The following FILIP1 variants were observed in gnomAD, a reference collection of about 807,000 sequenced individuals.
The protein encoded by FILIP1 is filamin A interacting protein 1.
In FILIP1, 61 loss-of-function variants were observed where a neutral mutation model predicts 102.1. The ratio of observed to expected loss-of-function variants is 0.60; its 90% CI spans 0.49 to 0.74. The LOEUF (loss-of-function observed/expected upper bound fraction) is 0.74, where lower values mean the gene tolerates loss of function less well. Ranked by LOEUF, FILIP1 falls within the 30% of genes least tolerant of loss-of-function variation. The pLI, the probability that FILIP1 is intolerant of heterozygous loss-of-function variation, is 0.00. For synonymous variants in FILIP1, 491 were observed against 526.9 expected (o/e 0.93, Z 0.93); for missense variants, 1,314 against 1,441.2 (o/e 0.91, Z 1.43).
chr6:75,488,823 T>C (rs1471756811), intron 1 of FILIP1, among the ~76,000 whole-genome samples: 1 of 152,194 alleles, frequency 6.6e-6, no homozygotes, highest in African/African-American at 2.4e-5. Context: ...TTAAGCAGAA[T>C]ACACATACAC....
At chr6:75,480,460 T>A (rs1779620913) in intron 1 of FILIP1, among the ~76,000 whole-genome samples, 1 of 152,020 alleles carries the variant, frequency 6.6e-6, no homozygotes. Context: ...AGGCTAGACA[T>A]GAACTCCTGG....
At chr6:75,330,463 G>T (rs1041413445) in intron 4 of FILIP1, among the ~76,000 whole-genome samples, 1 of 151,772 alleles carries the variant, frequency 6.6e-6, no homozygotes, top group Non-Finnish European at 1.5e-5. Context: ...TCAAATTTTT[G>T]ACCCTAGCCC....
chr6:75,347,863 T>G (rs770672163), intron 4 of FILIP1, among the ~76,000 whole-genome samples: 1 of 152,188 alleles, frequency 6.6e-6, no homozygotes, highest in Non-Finnish European at 1.5e-5. Context: ...GCTCTTACAG[T>G]CTGCTTCACA....
rs754885788 is a variant in FILIP1 at position 75,314,905 on chromosome 6, C to A, written c.927G>T (p.Arg309Ser). The change falls in exon 5 of 6, where the codon AGG becomes AGT. Residue 309 changes from arginine (R) to serine (S), a missense_variant. Physicochemically the swap from Arg to Ser is moderately radical, Grantham distance 110. Coordinates refer to ENST00000237172, the MANE Select transcript of FILIP1 (RefSeq NM_015687.5). ...TCATCTCTTCATGCTCTTGAGAAAA[C>A]CTCGAAGCCTTGTGTTCAAAGTCCA... ...LEVDFEHKASRFSQEHEEMNA... is the reference protein window; with the variant it reads ...LEVDFEHKASSFSQEHEEMNA... The A allele has an allele frequency of 3.1e-6, 5 of 1,613,962 alleles. No homozygotes were observed. The East Asian group carries it at 8.9e-5, about 29-fold the overall frequency.
chr6:75,414,978 C>A lies in FILIP1; in HGVS notation c.-6G>T. 1 of 1,608,838 alleles carries A rather than the reference C, an allele frequency of 6.2e-7. No individual in the cohort carries two copies. Among genetic ancestry groups the A allele is most frequent in the Non-Finnish European group, 8.5e-7 (1 of 1,177,390 alleles). On this transcript the variant is annotated splice_region_variant and 5_prime_UTR_variant, in exon 2 of 6. Transcript: ENST00000237172. ...CCTTGGTTTCGAGATCTCATTCCCA[C>A]CTACAACACATACATAAAAAAAGAT...
chr6:75,404,239 A>C (rs542552423), intron 2 of FILIP1, among the ~76,000 whole-genome samples: 19 of 152,208 alleles, frequency 1.2e-4, no homozygotes, highest in Admixed American at 1.2e-3. Context: ...GATTGTCCCC[A>C]AAAACAAAAC....
chr6:75,426,100 T>C (rs548394159), intron 1 of FILIP1, among the ~76,000 whole-genome samples: 3 of 152,034 alleles, frequency 2.0e-5, no homozygotes, highest in African/African-American at 7.2e-5. Flanking sequence ...TGGCTGGAGT[T>C]GACTCTTAGT....
At chr6:75,341,327 A>AT (rs1185285222) in intron 4 of FILIP1, among the ~76,000 whole-genome samples, 1,721 of 145,618 alleles carry the variant, frequency 0.012, 38 homozygotes, top group African/African-American at 0.04. Flanking sequence ...CACCTGGCTA[A>AT]TTTTTTTTTT....
At chr6:75,360,035 C>T (rs1408344896) in intron 3 of FILIP1, among the ~76,000 whole-genome samples, 3 of 152,206 alleles carry the variant, frequency 2.0e-5, no homozygotes, top group Non-Finnish European at 4.4e-5. Flanking sequence ...AGGGCAAAGA[C>T]AATACCTGCA....
chr6:75,365,195 AAAAT>A (rs201236890), intron 2 of FILIP1, among the ~76,000 whole-genome samples: 9,299 of 151,912 alleles, frequency 0.061, 468 homozygotes, highest in African/African-American at 0.13. Context: ...GTCCTTTGAA[AAAAT>A]AAATAAATAA....
chr6:75,409,652 T>C (rs982199541), intron 2 of FILIP1, among the ~76,000 whole-genome samples: 2 of 152,206 alleles, frequency 1.3e-5, no homozygotes, highest in Non-Finnish European at 2.9e-5. Context: ...ATAGTTTCTA[T>C]AATGCCTTAC....
intron 1 of FILIP1, among the ~76,000 whole-genome samples, chr6:75,481,643 T>C (rs558685562): frequency 2.6e-5 from 4 of 152,298 alleles, no homozygotes; most frequent in African/African-American, 9.6e-5. Flanking sequence ...CTTGAACCAC[T>C]CTAACATCTG....
chr6:75,478,490 C>T (rs1443188376), intron 1 of FILIP1, among the ~76,000 whole-genome samples: 1 of 152,154 alleles, frequency 6.6e-6, no homozygotes, highest in East Asian at 1.9e-4. Flanking sequence ...CTCTCCATCC[C>T]CTGGAGTAAC....
chr6:75,453,209 T>C (rs1213617107), intron 1 of FILIP1, among the ~76,000 whole-genome samples: 1 of 152,244 alleles, frequency 6.6e-6, no homozygotes, highest in African/African-American at 2.4e-5. Context: ...TTAGTCATCT[T>C]ACCCGAAGGC....
intron 3 of FILIP1, among the ~76,000 whole-genome samples, chr6:75,359,017 T>G (rs1775094713): frequency 6.7e-6 from 1 of 149,276 alleles, no homozygotes; most frequent in South Asian, 2.1e-4. Context: ...CCTTATTTAT[T>G]TTTGAGAAAG....
At chr6:75,370,836 C>A (rs995975637) in intron 2 of FILIP1, among the ~76,000 whole-genome samples, 1 of 152,102 alleles carries the variant, frequency 6.6e-6, no homozygotes, top group African/African-American at 2.4e-5. Flanking sequence ...CTCAGCCCCC[C>A]AAAGTGCTGG....
intron 4 of FILIP1, among the ~76,000 whole-genome samples, chr6:75,320,645 T>TACA (rs1773620759): frequency 6.6e-6 from 1 of 152,208 alleles, no homozygotes; most frequent in Non-Finnish European, 1.5e-5. Context: ...TTAACTAAAG[T>TACA]TCTCCACGAT....
chr6:75,478,544 T>C (rs1357094342), intron 1 of FILIP1, among the ~76,000 whole-genome samples: 1 of 152,136 alleles, frequency 6.6e-6, no homozygotes, highest in Non-Finnish European at 1.5e-5. Flanking sequence ...GCCCAACATC[T>C]GGTGGTGATA....
At chr6:75,479,909 G>T (rs1162441400) in intron 1 of FILIP1, among the ~76,000 whole-genome samples, 1 of 139,908 alleles carries the variant, frequency 7.1e-6, no homozygotes, top group Non-Finnish European at 1.5e-5. Flanking sequence ...TTATATTAAG[G>T]ACATTTGTTC....
Sources: gnomAD v4.1 joint callset for allele counts (sites outside exome capture counted in the v4.1 genomes callset) on GRCh38, gnomAD v4.1.1 for gene constraint, MANE v1.5 for transcripts, NCBI Gene and HGNC (gene_info 2026-07-23, HGNC 2026-07-21) for gene names.